The following TRPM8 variants were observed in gnomAD, a reference collection of about 807,000 sequenced individuals.
TRPM8 encodes the protein TRPM8 cationic channel.
In TRPM8, 110 loss-of-function variants were observed where a neutral mutation model predicts 133.7. That is an observed-to-expected ratio of 0.82 (90% CI 0.70 to 0.96). TRPM8 has a LOEUF of 0.96. Ranked by LOEUF, TRPM8 falls within the 40% of genes least tolerant of loss-of-function variation. TRPM8 has a pLI of 0.00. For synonymous variants in TRPM8, 535 were observed against 532.3 expected, an observed-to-expected ratio of 1.01 and a Z score of -0.07; for missense variants, 1,291 against 1,379.5, an observed-to-expected ratio of 0.94 and a Z score of 1.02.
chr2:233,942,797 C>T, intron 6 of TRPM8, 49 bp downstream of exon 6: 1 of 1,608,114 alleles, frequency 6.2e-7, no homozygotes. Flanking sequence ...GAAGAAAGAC[C>T]ATGGCATGGG....
chr2:233,937,063 A>AT, intron 3 of TRPM8, among the ~76,000 whole-genome samples: 1 of 151,710 alleles, frequency 6.6e-6, no homozygotes, highest in East Asian at 1.9e-4. Context: ...TGCCCAGCTG[A>AT]GTTTTGTATT....
chr2:233,997,845 C>T (rs970214220), intron 22 of TRPM8, among the ~76,000 whole-genome samples: 1 of 152,140 alleles, frequency 6.6e-6, no homozygotes. Flanking sequence ...ACCCAGCCAC[C>T]ACTCCCTACC....
intron 15 of TRPM8, among the ~76,000 whole-genome samples, chr2:233,967,241 G>A (rs186655654): frequency 1.3e-5 from 2 of 152,368 alleles, no homozygotes; most frequent in Admixed American, 1.3e-4. Flanking sequence ...GATAGCAGTA[G>A]GGAAACTATT....
At chr2:233,927,908 T>TTCTTTCTCTC (rs1559516638) in intron 2 of TRPM8, among the ~76,000 whole-genome samples, 1 of 38,874 alleles carries the variant, frequency 2.6e-5, no homozygotes, top group Non-Finnish European at 4.0e-5. Context: ...CTTTCTTTCT[T>TTCTTTCTCTC]TCTCTCTCTC....
chr2:233,987,235 A>G (rs1266892758), intron 21 of TRPM8, among the ~76,000 whole-genome samples: 3 of 152,252 alleles, frequency 2.0e-5, no homozygotes, highest in Non-Finnish European at 4.4e-5. Context: ...AGTTTGATCT[A>G]TATCTGTTAA....
At chr2:233,974,647 G>A (rs1334153445) in intron 17 of TRPM8, among the ~76,000 whole-genome samples, 1 of 152,194 alleles carries the variant, frequency 6.6e-6, no homozygotes, top group Non-Finnish European at 1.5e-5. Flanking sequence ...CACCTGGGAG[G>A]TCACACAGGC....
At chr2:233,993,663 G>T (rs1284201151) in intron 21 of TRPM8, among the ~76,000 whole-genome samples, 1 of 152,098 alleles carries the variant, frequency 6.6e-6, no homozygotes. Context: ...ACTCCAAGTG[G>T]CCACTTAAGC....
Position 233,964,631 on chromosome 2 carries a change from A to G in TRPM8, c.1753A>G (p.Arg585Gly), listed in dbSNP as rs763593719. The G allele has an allele frequency of 6.4e-7, 1 of 1,573,094 alleles. No homozygotes were observed. Among genetic ancestry groups the G allele is most frequent in the Non-Finnish European group, 8.6e-7 (1 of 1,156,726 alleles). ...AATTCTTCACCCCCCTAAAAAGACC[A>G]GGGGCTGCACTCTGGCAGCCCTGGG... The part of the protein sequence containing the change: ...ELSKVIWEQT[R>G]GCTLAALGAS... Residue 585 changes from arginine to glycine, a missense_variant, in exon 14 of 26, where the codon AGG becomes GGG. By Grantham distance (125) the Arg-to-Gly change is moderately radical. Around this residue, in one of 2 missense-constraint regions of TRPM8, gnomAD observed 963 missense variants for 968.9 expected, o/e 0.99. Coordinates refer to ENST00000324695, the MANE Select transcript of TRPM8 (RefSeq NM_024080.5).
chr2:233,974,344 G>A (rs1691810794), intron 17 of TRPM8, among the ~76,000 whole-genome samples: 1 of 151,800 alleles, frequency 6.6e-6, no homozygotes, highest in Non-Finnish European at 1.5e-5. Context: ...AGTGATTCTC[G>A]TGCCTCAGCC....
At chr2:233,932,764 A>G (rs1691705586) in intron 3 of TRPM8, among the ~76,000 whole-genome samples, 2 of 151,836 alleles carry the variant, frequency 1.3e-5, no homozygotes, top group Admixed American at 6.6e-5. Flanking sequence ...AGGATTCTAT[A>G]ATCTTTGAAT....
chr2:233,952,792 G>T (rs1049964951), intron 9 of TRPM8, among the ~76,000 whole-genome samples: 5 of 152,020 alleles, frequency 3.3e-5, no homozygotes, highest in African/African-American at 7.2e-5. Context: ...CGTCTCTGGG[G>T]TCCATCGGTT....
intron 8 of TRPM8, among the ~76,000 whole-genome samples, chr2:233,948,059 G>C (rs1020401126): frequency 6.6e-6 from 1 of 152,062 alleles, no homozygotes; most frequent in South Asian, 2.1e-4. Context: ...ATGAATTTCC[G>C]CAATGATTTG....
At position 233,937,392 on chromosome 2, in the gene TRPM8, C is replaced by T; in HGVS notation, c.231C>T (p.His77=). ...VCKCGYAQSQ[H]MEGTQINQSE... Reference sequence around the variant, plus strand: ...AGTGTGGCTATGCCCAGAGCCAGCACATGGAAGGCACCCAGATCAACCAAA... The same window carrying T: ...AGTGTGGCTATGCCCAGAGCCAGCATATGGAAGGCACCCAGATCAACCAAA... The change falls in exon 4 of 26, where the codon CAC becomes CAT. Residue 77 remains histidine, a synonymous_variant. Coordinates refer to ENST00000324695, the MANE Select transcript of TRPM8 (RefSeq NM_024080.5). The T allele has an allele frequency of 6.2e-7, 1 of 1,614,174 alleles. No homozygotes were observed. Among genetic ancestry groups the T allele is most frequent in the Non-Finnish European group, 8.5e-7 (1 of 1,180,046 alleles).
In TRPM8 at chr2:233,985,725, G is replaced by T. The variant is rs753399321; in HGVS notation, c.2799G>T (p.Gly933=). ...TYDFAHCTFT[G]NESKPLCVEL... The stretch of plus-strand genomic sequence containing the variant: ...ACTTTGCCCACTGCACCTTCACTGG[G>T]AATGAGTCCAAGCCACTGTGTGTGG... The change falls in exon 21 of 26, where the codon GGG becomes GGT. Residue 933 remains glycine, a synonymous_variant. Transcript: ENST00000324695. 3.1e-6 allele frequency: 5 copies of T among 1,614,172 alleles called. No individual in the cohort carries two copies. The South Asian group carries it at 5.5e-5, about 18-fold the overall frequency.
intron 22 of TRPM8, among the ~76,000 whole-genome samples, chr2:234,005,435 T>C (rs17869069): frequency 0.056 from 8,542 of 152,250 alleles, 290 homozygotes; most frequent in East Asian, 0.11. Flanking sequence ...TGTCCAGGAG[T>C]GTCTACCCTT....
intron 24 of TRPM8, among the ~76,000 whole-genome samples, chr2:234,014,199 T>C (rs966959452): frequency 6.6e-6 from 1 of 152,204 alleles, no homozygotes. Flanking sequence ...CAAAACTTAA[T>C]TAGTATCTTA....
intron 1 of TRPM8, among the ~76,000 whole-genome samples, chr2:233,919,040 C>T (rs1470802101): frequency 1.3e-5 from 2 of 151,038 alleles, no homozygotes; most frequent in Middle Eastern, 3.4e-3. Context: ...TCTCCCCCCA[C>T]CCCATTTTTT....
At chr2:233,959,388 G>A (rs539037195) in intron 11 of TRPM8, among the ~76,000 whole-genome samples, 5 of 140,670 alleles carry the variant, frequency 3.6e-5, no homozygotes, top group Admixed American at 2.2e-4. Flanking sequence ...GTGCAGAGGT[G>A]CAATCTTGGC....
chr2:233,996,258 C>T (rs1054449939), intron 21 of TRPM8, 68 bp from the exon 22 acceptor site: 1 of 1,412,058 alleles, frequency 7.1e-7, no homozygotes, highest in African/African-American at 1.4e-5. Context: ...CCACTATTAC[C>T]ATACTAGGCA....
Sources: gnomAD v4.1 joint callset for allele counts (sites outside exome capture counted in the v4.1 genomes callset) on GRCh38, gnomAD v4.1.1 for gene constraint, gnomAD v4.1.1 regional missense constraint, MANE v1.5 for transcripts, NCBI Gene and HGNC (gene_info 2026-07-23, HGNC 2026-07-21) for gene names.